NOS1: variants seen among roughly 807,000 people sequenced by gnomAD.
NOS1 encodes nitric oxide synthase 1.
A neutral mutation model predicts 164.5 loss-of-function variants in NOS1; 51 were observed. The ratio of observed to expected loss-of-function variants is 0.31; its 90% CI spans 0.25 to 0.39. The LOEUF is 0.39. Ranked by LOEUF, NOS1 falls within the 10% of genes least tolerant of loss-of-function variation. The pLI is 1.00. For synonymous variants in NOS1, 719 were observed against 745.8 expected (o/e 0.96, Z 0.59); for missense variants, 1,362 against 1,885.6 (o/e 0.72, Z 5.14).
At chr12:117,226,830 C>T in intron 23 of NOS1, 60 bp from the exon 24 acceptor site, 2 of 1,327,520 alleles carry the variant, frequency 1.5e-6, no homozygotes, top group Non-Finnish European at 2.2e-6. Flanking sequence ...GCCTCCCCTC[C>T]TCCCTCCAGT....
rs763519078 is a variant in NOS1 at position 117,263,943 on chromosome 12, C to T, written c.2168G>A (p.Gly723Asp). The T allele has an allele frequency of 6.2e-7, 1 of 1,613,868 alleles. No homozygotes were observed. The change falls in exon 13 of 29, where the codon GGC becomes GAC. Residue 723 changes from glycine to aspartate, a missense_variant. Around this residue, in one of 4 missense-constraint regions of NOS1, gnomAD observed 737 missense variants for 1,030.3 expected, o/e 0.72. Coordinates refer to ENST00000317775, the MANE Select transcript of NOS1 (RefSeq NM_000620.5). The part of the protein sequence containing the change: ...PDPWNTHVWK[G>D]TNGTPTKRRA... The stretch of plus-strand genomic sequence containing the variant: ...CCGCTTTGTGGGGGTCCCGTTGGTG[C>T]CTTTCCAGACATGCGTGTTCCAGGG...
At chr12:117,338,159 G>A (rs1875927514) in intron 1 of NOS1, among the ~76,000 whole-genome samples, 1 of 152,158 alleles carries the variant, frequency 6.6e-6, no homozygotes. Flanking sequence ...GGAGGTTGCA[G>A]TGAGGCGAGA....
Position 117,247,404 on chromosome 12 carries a change from C to A in NOS1, c.2767G>T (p.Asp923Tyr). The A allele has an allele frequency of 6.2e-7, 1 of 1,612,282 alleles. No homozygotes were observed. Among genetic ancestry groups the A allele is most frequent in the Non-Finnish European group, 8.5e-7 (1 of 1,179,324 alleles). The stretch of plus-strand genomic sequence containing the variant: ...GCCTCTTCCTGCCCACAGAGCTCAT[C>A]CCCTTCCCTCATCTTCAGGATCCTC... ...GERILKMREG[D>Y]ELCGQEEAFR... The change falls in exon 18 of 29, where the codon GAT (aspartate) becomes TAT (tyrosine). Residue 923 changes from aspartate (D) to tyrosine (Y), a missense_variant. Coordinates refer to ENST00000317775, the MANE Select transcript of NOS1 (RefSeq NM_000620.5).
chr12:117,299,977 C>T (rs1044010902), intron 3 of NOS1, among the ~76,000 whole-genome samples: 1 of 152,050 alleles, frequency 6.6e-6, no homozygotes, highest in Non-Finnish European at 1.5e-5. Flanking sequence ...TCGTGGCCTG[C>T]CCTATGATAC....
intron 2 of NOS1, among the ~76,000 whole-genome samples, chr12:117,328,532 T>C (rs1875367974): frequency 6.6e-6 from 1 of 152,070 alleles, no homozygotes; most frequent in Non-Finnish European, 1.5e-5. Flanking sequence ...GTTCTCAATA[T>C]TTCTGATCCC....
intron 16 of NOS1, among the ~76,000 whole-genome samples, chr12:117,257,222 T>G (rs1366333117): frequency 6.6e-6 from 1 of 152,070 alleles, no homozygotes; most frequent in East Asian, 1.9e-4. Flanking sequence ...TAGCTGGGAC[T>G]TCAGGTGCAC....
At chr12:117,300,979 T>C (rs1873777038) in intron 3 of NOS1, among the ~76,000 whole-genome samples, 1 of 152,218 alleles carries the variant, frequency 6.6e-6, no homozygotes. Context: ...CATGAGTCTA[T>C]GAAACCCCAA....
rs9658396 is a variant in NOS1, at chr12:117,265,759, C to T, written c.1942-249G>A. Reference sequence around the variant, plus strand: ...CGATCTTGCCAATCTTCCTCTCTCCCATCCCACCCCCATCTTTTTTTTCTT... The same window carrying T: ...CGATCTTGCCAATCTTCCTCTCTCCTATCCCACCCCCATCTTTTTTTTCTT... On this transcript the variant is annotated intron_variant, in intron 11 of 28. Transcript: ENST00000317775. 2.3e-4 allele frequency among the ~76,000 whole-genome samples: 35 copies of T among 151,990 alleles called. 1 individual carries two copies. The East Asian group carries it at 6.8e-3, about 29-fold the overall frequency.
Position 117,330,627 on chromosome 12 carries a change from G to C in NOS1, c.443C>G (p.Ala148Gly). ...CCCGGGACCCGAGGCCCCATCCACT[G>C]CCAGGGGCTGTTCTTTGCCGGCCGG... Reference protein sequence around the residue: ...QPPAGKEQPLAVDGASGPGNG... With the variant: ...QPPAGKEQPLGVDGASGPGNG... Residue 148 changes from alanine (A) to glycine (G), a missense_variant, in exon 2 of 29, where the codon GCA becomes GGA. Ala to Gly is a moderately conservative substitution (Grantham distance 60, BLOSUM62 0). This residue lies in a region of NOS1 where 362 missense variants were observed against 402.0 expected (regional missense o/e 0.90). Coordinates refer to ENST00000317775, the MANE Select transcript of NOS1 (RefSeq NM_000620.5). The surrounding 1 kb of genome is among the most constrained non-coding windows in gnomAD (Gnocchi z 4.6). The C allele has an allele frequency of 4.3e-6, 7 of 1,612,016 alleles. No homozygotes were observed. Among genetic ancestry groups the C allele is most frequent in the Non-Finnish European group, 5.9e-6 (7 of 1,178,622 alleles).
At chr12:117,352,432 A>G (rs1876665895) in intron 1 of NOS1, among the ~76,000 whole-genome samples, 1 of 152,142 alleles carries the variant, frequency 6.6e-6, no homozygotes, top group Non-Finnish European at 1.5e-5. Context: ...ACAAACCTCA[A>G]GCTCATTTCT....
chr12:117,212,267 G>C lies in NOS1; in HGVS notation c.*3042C>G, dbSNP rs970030025. The C allele has an allele frequency of 1.0e-6, 1 of 985,264 alleles. No individual in the cohort carries two copies. The highest frequency in any genetic ancestry group is 1.7e-5 in the African/African-American group (1 of 57,234). The allele number at this position is 985,264 out of a possible 1,614,324, so 61.0% of individuals were successfully genotyped here. On this transcript the variant is annotated 3_prime_UTR_variant, in exon 29 of 29. Coordinates refer to ENST00000317775, the MANE Select transcript of NOS1 (RefSeq NM_000620.5). The stretch of plus-strand genomic sequence containing the variant: ...CTCATTCAATCCACCTTGTTATACA[G>C]GTGGGTATGCAGACTCTAAAAGGTC...
chr12:117,343,223 G>A (rs1267931943), intron 1 of NOS1, among the ~76,000 whole-genome samples: 1 of 151,032 alleles, frequency 6.6e-6, no homozygotes, highest in Admixed American at 6.6e-5. Context: ...GGGTGACAGT[G>A]CAAGACTCTG....
chr12:117,302,787 C>T lies in NOS1; in HGVS notation c.852+8679G>A, dbSNP rs1593005848. Among the ~76,000 whole-genome samples the T allele has an allele frequency of 2.0e-5, 3 of 151,906 alleles. No individual in the cohort carries two copies. The East Asian group carries it at 5.9e-4, about 30-fold the overall frequency. Reference sequence around the variant, plus strand: ...TTGAGATAGGGTCTCACTCCAATGCCCAGGCTGGAGTGCAGTGGCACGATC... The same window carrying T: ...TTGAGATAGGGTCTCACTCCAATGCTCAGGCTGGAGTGCAGTGGCACGATC... On this transcript the variant is annotated intron_variant, in intron 3 of 28. Transcript: ENST00000317775.
At chr12:117,230,552 G>A (rs1053264518) in intron 22 of NOS1, among the ~76,000 whole-genome samples, 3 of 152,114 alleles carry the variant, frequency 2.0e-5, no homozygotes, top group Admixed American at 1.3e-4. Context: ...TCTCCTGGAC[G>A]GCAGAAGAAA....
chr12:117,318,946 T>C (rs1417175303), intron 2 of NOS1, among the ~76,000 whole-genome samples: 1 of 152,194 alleles, frequency 6.6e-6, no homozygotes, highest in Non-Finnish European at 1.5e-5. Flanking sequence ...TGAGTTAAAG[T>C]AGGAAGACTT....
In NOS1 at chr12:117,208,311, T is replaced by C. The variant is rs773074417; in HGVS notation, c.*6998A>G. ...GTGGGCGTCAGTCCTTCAAGGAAGG[T>C]GCTGGAGCACAGGGACACTTGGCAG... On this transcript the variant is annotated 3_prime_UTR_variant, in exon 29 of 29. Coordinates refer to ENST00000317775, the MANE Select transcript of NOS1 (RefSeq NM_000620.5). 9.3e-6 allele frequency: 12 copies of C among 1,288,464 alleles called. No homozygotes were observed. The South Asian group carries it at 1.1e-4, about 12-fold the overall frequency. 79.8% of individuals were successfully genotyped at this position (1,288,464 alleles called of 1,614,324 possible).
At chr12:117,279,985 A>G (rs994530571) in intron 8 of NOS1, among the ~76,000 whole-genome samples, 1 of 152,224 alleles carries the variant, frequency 6.6e-6, no homozygotes, top group East Asian at 1.9e-4. Context: ...GGTGAAATTC[A>G]GCGGGGTATT....
rs575026967 is a variant in NOS1 at position 117,357,197 on chromosome 12, C to T, written c.-421+4315G>A. Among the ~76,000 whole-genome samples, 295 of 152,246 alleles carry T rather than the reference C, an allele frequency of 1.9e-3. 1 individual carries two copies. Among genetic ancestry groups the T allele is most frequent in the Middle Eastern group, 0.01 (3 of 294 alleles). ...AATTAGCCTGGTGTGGTGGCACAGG[C>T]CTGTAGTCCCAGCTACTCGGGAGGC... On this transcript the variant is annotated intron_variant, in intron 1 of 28. Transcript: ENST00000317775.
intron 12 of NOS1, among the ~76,000 whole-genome samples, chr12:117,264,336 G>A (rs939451901): frequency 2.6e-5 from 4 of 152,090 alleles, no homozygotes; most frequent in African/African-American, 4.8e-5. Flanking sequence ...GCAGTGGTGT[G>A]ATCATAGCTC....
Sources: allele counts gnomAD v4.1 joint callset (sites outside exome capture counted in the v4.1 genomes callset), GRCh38; gene constraint gnomAD v4.1.1; regional missense constraint gnomAD v4.1.1; non-coding constraint Gnocchi (gnomAD v3.1); transcripts MANE v1.5; gene names NCBI Gene and HGNC (gene_info 2026-07-23, HGNC 2026-07-21).